Variants in GALNT18 observed in about 807,000 individuals in gnomAD.
GALNT18 encodes the protein GalNAc-transferase 18.
A neutral mutation model predicts 69.5 loss-of-function variants in GALNT18; 44 were observed. That is an observed-to-expected ratio of 0.63 (90% CI 0.50 to 0.81). GALNT18 has a LOEUF of 0.81. Among genes scored for constraint, GALNT18 ranks in the 40% least tolerant of loss-of-function variants. The probability of loss-of-function intolerance (pLI) is 0.00; values close to 1 mark genes in which losing one functional copy is unlikely to be tolerated. For synonymous variants in GALNT18, 364 were observed against 318.2 expected, an observed-to-expected ratio of 1.14 and a Z score of -1.53; for missense variants, 715 against 810.0, an observed-to-expected ratio of 0.88 and a Z score of 1.42.
chr11:11,334,879 T>C (rs1850083270), intron 7 of GALNT18, among the ~76,000 whole-genome samples: 1 of 152,080 alleles, frequency 6.6e-6, no homozygotes, highest in Non-Finnish European at 1.5e-5. Context: ...GTGAAGAAAA[T>C]ATTTATGAAG....
intron 9 of GALNT18, among the ~76,000 whole-genome samples, chr11:11,293,660 G>A (rs551382738): frequency 1.2e-4 from 18 of 149,124 alleles, no homozygotes; most frequent in Admixed American, 1.1e-3. Context: ...TCCTGCCTCC[G>A]TCTCCTGAGT....
chr11:11,469,287 C>A lies in GALNT18; in HGVS notation c.236-20351G>T, dbSNP rs2133851143. ...TACCAGACTGTTCCCAGGGACTTCA[C>A]AGAGGGAGCAGATGAAAGGCATGGA... On this transcript the variant is annotated intron_variant, in intron 1 of 10. Transcript: ENST00000227756. The surrounding 1 kb of genome is among the most constrained non-coding windows in gnomAD (Gnocchi z 4.2). 1.3e-5 allele frequency among the ~76,000 whole-genome samples: 2 copies of A among 152,314 alleles called. No individual in the cohort carries two copies. Among genetic ancestry groups the A allele is most frequent in the Admixed American group, 1.3e-4 (2 of 15,298 alleles).
intron 6 of GALNT18, among the ~76,000 whole-genome samples, chr11:11,351,609 A>G (rs1036092388): frequency 2.6e-5 from 4 of 152,146 alleles, no homozygotes; most frequent in Non-Finnish European, 4.4e-5. Context: ...AAGTATTAGC[A>G]AGTTCCAAAT....
At chr11:11,352,809 G>C (rs771531618) in intron 6 of GALNT18, 1 of 1,614,184 alleles carries the variant, frequency 6.2e-7, no homozygotes, top group Admixed American at 1.7e-5. Context: ...TCGTGACACA[G>C]GGTCTTTTAC....
intron 7 of GALNT18, among the ~76,000 whole-genome samples, chr11:11,335,491 A>T (rs1284329903): frequency 6.6e-6 from 1 of 152,214 alleles, no homozygotes; most frequent in Non-Finnish European, 1.5e-5. Context: ...AGAAAACAAT[A>T]AATGCATCTT....
In GALNT18 at chr11:11,447,691, T is replaced by C. The variant is rs577755737; in HGVS notation, c.428+1053A>G. Among the ~76,000 whole-genome samples the C allele has an allele frequency of 5.3e-5, 8 of 152,246 alleles. No homozygotes were observed. The South Asian group carries it at 1.7e-3, about 32-fold the overall frequency. On this transcript the variant is annotated intron_variant, in intron 2 of 10. Transcript: ENST00000227756. ...AGAGAATGAGAGCCAGCAGGGAAAA[T>C]GCCAGACGCTTATAAAACCATCAGA... is the stretch of plus-strand genomic sequence containing the variant.
rs921326384 is a variant in GALNT18, at chr11:11,356,338, G to A, written c.1093-15334C>T. Among the ~76,000 whole-genome samples the A allele has an allele frequency of 6.6e-6, 1 of 152,096 alleles. No homozygotes were observed. The highest frequency in any genetic ancestry group is 1.5e-5 in the Non-Finnish European group (1 of 68,030). On this transcript the variant is annotated intron_variant, in intron 6 of 10. Coordinates refer to ENST00000227756, the MANE Select transcript of GALNT18 (RefSeq NM_198516.3). This position sits in a 1 kb window ranked among gnomAD's most constrained non-coding sequence, Gnocchi z 4.4. Reference sequence around the variant, plus strand: ...AAAACTAGAATAACAATGTAATGGTGGCCAAGAAGCTACCTTCCAGGGTCT... The same window carrying A: ...AAAACTAGAATAACAATGTAATGGTAGCCAAGAAGCTACCTTCCAGGGTCT...
At chr11:11,423,232 A>G (rs1458567067) in intron 3 of GALNT18, among the ~76,000 whole-genome samples, 4 of 152,262 alleles carry the variant, frequency 2.6e-5, no homozygotes, top group Admixed American at 2.6e-4. Flanking sequence ...ATATGCATGC[A>G]AGGCATGCAC....
chr11:11,275,099 A>G (rs1848912307), intron 10 of GALNT18, among the ~76,000 whole-genome samples: 1 of 152,238 alleles, frequency 6.6e-6, no homozygotes, highest in Non-Finnish European at 1.5e-5. Flanking sequence ...TTCTAGTTCT[A>G]GATCCTTGAG....
intron 6 of GALNT18, among the ~76,000 whole-genome samples, chr11:11,363,366 T>C (rs192960726): frequency 1.3e-5 from 2 of 152,282 alleles, no homozygotes; most frequent in East Asian, 3.9e-4. Context: ...GGAACACTTC[T>C]AGATAAGTGT....
chr11:11,536,445 G>A (rs1172301368), intron 1 of GALNT18, among the ~76,000 whole-genome samples: 8 of 152,160 alleles, frequency 5.3e-5, no homozygotes, highest in Admixed American at 3.3e-4. Flanking sequence ...GACAGTCAAG[G>A]TGGCTCTGGA....
intron 3 of GALNT18, among the ~76,000 whole-genome samples, chr11:11,414,979 G>T (rs1020705081): frequency 1.3e-5 from 2 of 152,168 alleles, no homozygotes; most frequent in African/African-American, 2.4e-5. Flanking sequence ...AGATTGACTC[G>T]TTGTTGGCAC....
intron 1 of GALNT18, among the ~76,000 whole-genome samples, chr11:11,610,525 T>A (rs1188348857): frequency 6.6e-6 from 1 of 152,248 alleles, no homozygotes; most frequent in African/African-American, 2.4e-5. Context: ...CCTATTTTTC[T>A]ATAGTCCTTC....
chr11:11,463,796 C>T lies in GALNT18; in HGVS notation c.236-14860G>A, dbSNP rs1158363867. Reference sequence around the variant, plus strand: ...AACAAAATCCATTTCTTGAGCATGACGGTAAAAATATTTATCACATGAAAG... The same window carrying T: ...AACAAAATCCATTTCTTGAGCATGATGGTAAAAATATTTATCACATGAAAG... On this transcript the variant is annotated intron_variant, in intron 1 of 10. Transcript: ENST00000227756. The surrounding 1 kb of genome is among the most constrained non-coding windows in gnomAD (Gnocchi z 4.2). Among the ~76,000 whole-genome samples the T allele has an allele frequency of 6.6e-6, 1 of 152,264 alleles. No individual in the cohort carries two copies. The highest frequency in any genetic ancestry group is 1.9e-4 in the East Asian group (1 of 5,186).
chr11:11,327,514 C>G (rs987153248), intron 8 of GALNT18, among the ~76,000 whole-genome samples: 3 of 152,246 alleles, frequency 2.0e-5, no homozygotes, highest in African/African-American at 7.2e-5. Flanking sequence ...TCAAGTGTCC[C>G]TGAGAGAAAT....
rs1565046942 is a variant in GALNT18 at position 11,621,816 on chromosome 11, G to A, written c.-223C>T. The A allele has an allele frequency of 5.2e-6, 3 of 572,460 alleles. No individual in the cohort carries two copies. The South Asian group carries it at 6.6e-5, about 13-fold the overall frequency. 35.5% of individuals were successfully genotyped at this position (572,460 alleles called of 1,614,324 possible). On this transcript the variant is annotated 5_prime_UTR_variant, in exon 1 of 11. Transcript: ENST00000227756. This position sits in a 1 kb window ranked among gnomAD's most constrained non-coding sequence, Gnocchi z 9.3. ...GGAGAGACCTTGACAAAGGAAACCAGGTGGATTTTTTTCCAAATTAAAAAT... is the reference window on the plus strand; with the variant it reads ...GGAGAGACCTTGACAAAGGAAACCAAGTGGATTTTTTTCCAAATTAAAAAT...
At chr11:11,567,952 C>T (rs1311535186) in intron 1 of GALNT18, among the ~76,000 whole-genome samples, 2 of 152,190 alleles carry the variant, frequency 1.3e-5, no homozygotes, top group Non-Finnish European at 2.9e-5. Flanking sequence ...TTTAAGAGAA[C>T]TATATAACCC....
Position 11,549,998 on chromosome 11 carries a change from C to T in GALNT18, c.235+71361G>A, listed in dbSNP as rs139106661. ...TGGAGCTTACTGGAGCTGAGGAAGG[C>T]TCACATTATACAGTGGCAGATGCCA... On this transcript the variant is annotated intron_variant, in intron 1 of 10. Coordinates refer to ENST00000227756, the MANE Select transcript of GALNT18 (RefSeq NM_198516.3). Among the ~76,000 whole-genome samples, 8 of 152,348 alleles carry T rather than the reference C, an allele frequency of 5.3e-5. No individual in the cohort carries two copies. The East Asian group carries it at 1.5e-3, about 29-fold the overall frequency.
At chr11:11,358,236 CT>C (rs1850571019) in intron 6 of GALNT18, among the ~76,000 whole-genome samples, 1 of 140,546 alleles carries the variant, frequency 7.1e-6, no homozygotes, top group African/African-American at 2.6e-5. Context: ...TTATATTTCT[CT>C]CTATCTTAAC....
Sources: gnomAD v4.1 joint callset for allele counts (sites outside exome capture counted in the v4.1 genomes callset) on GRCh38, gnomAD v4.1.1 for gene constraint, Gnocchi (gnomAD v3.1) non-coding constraint, MANE v1.5 for transcripts, NCBI Gene and HGNC (gene_info 2026-07-23, HGNC 2026-07-21) for gene names.